CIT: variants seen among roughly 807,000 people sequenced by gnomAD.
The protein encoded by CIT is citron rho-interacting serine/threonine kinase, also known as citron Rho-interacting kinase.
CIT carries 79 observed loss-of-function variants against 272.7 expected under a neutral mutation model. The observed-to-expected ratio is 0.29, with a 90% CI of 0.24 to 0.35. CIT has a LOEUF of 0.35. CIT is among the 10% of genes least tolerant of loss of function. The pLI, the probability that CIT is intolerant of heterozygous loss-of-function variation, is 1.00. For synonymous variants in CIT, 948 were observed against 995.6 expected (o/e 0.95, Z 0.90); for missense variants, 1,909 against 2,618.3 (o/e 0.73, Z 5.91).
intron 10 of CIT, among the ~76,000 whole-genome samples, chr12:119,798,900 G>A (rs1232878883): frequency 6.6e-6 from 1 of 152,236 alleles, no homozygotes; most frequent in African/African-American, 2.4e-5. Context: ...ATGATATTCT[G>A]CAGCAATGGT....
intron 7 of CIT, among the ~76,000 whole-genome samples, chr12:119,826,340 GA>G (rs1400808743): frequency 1.3e-5 from 2 of 152,124 alleles, no homozygotes; most frequent in African/African-American, 4.8e-5. Flanking sequence ...CCTTGGCAAA[GA>G]AAGATTAGGA....
rs749033181 is a variant in CIT, at chr12:119,688,190, T to C, written c.*42A>G. On this transcript the variant is annotated 3_prime_UTR_variant, in exon 48 of 48. Transcript: ENST00000392521. Reference sequence around the variant, plus strand: ...GAGTTCCATAGTGTGTTTGGTGTTTTCCTGCAGATCAAGATGAGGAGTTGG... The same window carrying C: ...GAGTTCCATAGTGTGTTTGGTGTTTCCCTGCAGATCAAGATGAGGAGTTGG... 8 of 1,600,518 alleles carry C rather than the reference T, an allele frequency of 5.0e-6. No homozygotes were observed. In the Admixed American group the frequency reaches 1.2e-4, roughly 23 times the overall value.
intron 9 of CIT, among the ~76,000 whole-genome samples, chr12:119,809,682 T>C (rs1286844879): frequency 6.6e-6 from 1 of 152,196 alleles, no homozygotes; most frequent in Non-Finnish European, 1.5e-5. Context: ...CCTTGTCTGA[T>C]TGTAGGTCAG....
intron 9 of CIT, among the ~76,000 whole-genome samples, chr12:119,820,239 T>C (rs1284834882): frequency 6.6e-6 from 1 of 152,214 alleles, no homozygotes; most frequent in Non-Finnish European, 1.5e-5. Flanking sequence ...ACTTAGACAG[T>C]GACACTGTTA....
chr12:119,745,671 G>T (rs997676514), intron 23 of CIT, among the ~76,000 whole-genome samples: 1 of 152,034 alleles, frequency 6.6e-6, no homozygotes, highest in East Asian at 1.9e-4. Flanking sequence ...GAATTATAAC[G>T]TTCCCAACAC....
intron 4 of CIT, among the ~76,000 whole-genome samples, chr12:119,856,323 A>C (rs1950169738): frequency 6.6e-6 from 1 of 152,184 alleles, no homozygotes; most frequent in Non-Finnish European, 1.5e-5. Context: ...GATGATAGAA[A>C]AATTCTAGAA....
chr12:119,770,945 G>T lies in CIT; in HGVS notation c.2083-35C>A. 6.2e-7 allele frequency: 1 copy of T among 1,611,432 alleles called. No individual in the cohort carries two copies. The highest frequency in any genetic ancestry group is 1.1e-5 in the South Asian group (1 of 90,774). On this transcript the variant is annotated intron_variant, in intron 17 of 47. Transcript: ENST00000392521. The surrounding 1 kb of genome is among the most constrained non-coding windows in gnomAD (Gnocchi z 4.4). ...ATGAATCAATCAGAGAGTTTTAATGGAGTAACCGCTATGGGCATAACACCT... is the reference window on the plus strand; with the variant it reads ...ATGAATCAATCAGAGAGTTTTAATGTAGTAACCGCTATGGGCATAACACCT...
chr12:119,703,037 G>A (rs1423493546), intron 41 of CIT, among the ~76,000 whole-genome samples: 1 of 152,188 alleles, frequency 6.6e-6, no homozygotes, highest in African/African-American at 2.4e-5. Context: ...AATGATTTCT[G>A]AGAATTTTCC....
chr12:119,771,911 C>T (rs986923402), intron 17 of CIT, among the ~76,000 whole-genome samples: 1 of 152,090 alleles, frequency 6.6e-6, no homozygotes, highest in African/African-American at 2.4e-5. Context: ...ATGATGGTGG[C>T]CCTGCCTGGC....
chr12:119,691,489 G>A (rs1427625526), intron 46 of CIT, among the ~76,000 whole-genome samples: 1 of 152,182 alleles, frequency 6.6e-6, no homozygotes, highest in Admixed American at 6.5e-5. Flanking sequence ...AAGGTGGATG[G>A]TTCTCAGTCA....
At position 119,770,664 on chromosome 12, in the gene CIT, C is replaced by T; in HGVS notation, c.2208+121G>A. ...TGTGGCATATGCTGAAACCACCTCA[C>T]TCAATTCATCTACTTGGAGATACCT... is the stretch of plus-strand genomic sequence containing the variant. On this transcript the variant is annotated intron_variant, in intron 18 of 47. Transcript: ENST00000392521. This position sits in a 1 kb window ranked among gnomAD's most constrained non-coding sequence, Gnocchi z 4.4. 2 of 1,161,426 alleles carry T rather than the reference C, an allele frequency of 1.7e-6. No individual in the cohort carries two copies. Among genetic ancestry groups the T allele is most frequent in the Non-Finnish European group, 2.5e-6 (2 of 802,512 alleles). 71.9% of individuals were successfully genotyped at this position (1,161,426 alleles called of 1,614,324 possible). A position where few individuals can be genotyped will look rare whatever the true frequency, so the allele number is the denominator to read the frequency against.
chr12:119,804,335 A>G lies in CIT; in HGVS notation c.1112-946T>C, dbSNP rs1323638615. 2.0e-6 allele frequency: 2 copies of G among 985,464 alleles called. No homozygotes were observed. The highest frequency in any genetic ancestry group is 2.4e-6 in the Non-Finnish European group (2 of 830,060). 61.0% of individuals were successfully genotyped at this position (985,464 alleles called of 1,614,324 possible). A position where few individuals can be genotyped will look rare whatever the true frequency, so the allele number is the denominator to read the frequency against. ...CGCCAGAAACGTTACCATGGTTGCA[A>G]GCTGAGGCGTCCGTGGCGGGCCAGC... On this transcript the variant is annotated intron_variant, in intron 9 of 47. Coordinates refer to ENST00000392521, the MANE Select transcript of CIT (RefSeq NM_001206999.2). The surrounding 1 kb of genome is among the most constrained non-coding windows in gnomAD (Gnocchi z 5.3).
At chr12:119,874,843 C>T (rs1038079946) in intron 2 of CIT, among the ~76,000 whole-genome samples, 20 of 148,680 alleles carry the variant, frequency 1.3e-4, no homozygotes, top group Admixed American at 8.1e-4. Flanking sequence ...GCCGAGATCG[C>T]GCCACTGCAC....
chr12:119,695,670 C>T (rs1398821892), intron 46 of CIT, among the ~76,000 whole-genome samples: 2 of 152,258 alleles, frequency 1.3e-5, no homozygotes, highest in Non-Finnish European at 2.9e-5. Flanking sequence ...GTGGCACACA[C>T]CTGTAATCCC....
intron 9 of CIT, among the ~76,000 whole-genome samples, chr12:119,822,004 A>C (rs1241755987): frequency 6.6e-6 from 1 of 152,210 alleles, no homozygotes; most frequent in Non-Finnish European, 1.5e-5. Flanking sequence ...ACACATCTCC[A>C]ATCAGAAGCC....
At chr12:119,850,423 A>G (rs1970134857) in intron 4 of CIT, 148 bp from the exon 5 acceptor site, 1 of 362,406 alleles carries the variant, frequency 2.8e-6, no homozygotes, top group African/African-American at 2.2e-5. Flanking sequence ...AACAGAAGGA[A>G]GGAAGGAAGA....
chr12:119,820,903 G>C (rs953550509), intron 9 of CIT, among the ~76,000 whole-genome samples: 2 of 152,184 alleles, frequency 1.3e-5, no homozygotes, highest in Non-Finnish European at 2.9e-5. Context: ...ATGGGAGGTC[G>C]AGGCTGCAGT....
At chr12:119,756,289 G>A (rs1307256377) in intron 22 of CIT, among the ~76,000 whole-genome samples, 1 of 152,190 alleles carries the variant, frequency 6.6e-6, no homozygotes, top group Non-Finnish European at 1.5e-5. Flanking sequence ...ACGAAACACA[G>A]GAACGAAGCA....
At chr12:119,737,977 A>C (rs999517878) in intron 24 of CIT, among the ~76,000 whole-genome samples, 1 of 152,176 alleles carries the variant, frequency 6.6e-6, no homozygotes, top group Non-Finnish European at 1.5e-5. Flanking sequence ...GCAGTAAATT[A>C]ATGGTCTTCG....
Sources: allele counts gnomAD v4.1 joint callset (sites outside exome capture counted in the v4.1 genomes callset), GRCh38; gene constraint gnomAD v4.1.1; non-coding constraint Gnocchi (gnomAD v3.1); transcripts MANE v1.5; gene names NCBI Gene and HGNC (gene_info 2026-07-23, HGNC 2026-07-21).